Variants in ZRANB3 observed in about 807,000 individuals in gnomAD.
The protein encoded by ZRANB3 is DNA annealing helicase and endonuclease ZRANB3.
Under a neutral mutation model 133.8 loss-of-function variants are expected in ZRANB3, and 125 were observed. The ratio of observed to expected loss-of-function variants is 0.93; its 90% CI spans 0.81 to 1.08. The LOEUF (loss-of-function observed/expected upper bound fraction) is 1.08. Among genes scored for constraint, ZRANB3 ranks in the 50% least tolerant of loss-of-function variants. The pLI is 0.00. For missense variants in ZRANB3, 1,229 were observed against 1,275.5 expected, an observed-to-expected ratio of 0.96 and a Z score of 0.56; for synonymous variants, 387 against 432.7, an observed-to-expected ratio of 0.89 and a Z score of 1.31.
intron 3 of ZRANB3, among the ~76,000 whole-genome samples, chr2:135,382,392 G>GA (rs1325401745): frequency 6.6e-6 from 1 of 152,136 alleles, no homozygotes; most frequent in Non-Finnish European, 1.5e-5. Context: ...GTGACGGGGC[G>GA]AATGGAACCA....
intron 6 of ZRANB3, among the ~76,000 whole-genome samples, chr2:135,318,056 A>G (rs1332427782): frequency 6.6e-6 from 1 of 152,090 alleles, no homozygotes; most frequent in Admixed American, 6.6e-5. Context: ...AATTTGCCCA[A>G]CATCTCATGG....
intron 18 of ZRANB3, 58 bp from the exon 19 acceptor site, chr2:135,207,894 T>C: frequency 1.3e-5 from 19 of 1,484,784 alleles, no homozygotes; most frequent in Non-Finnish European, 1.6e-5. Flanking sequence ...TAAATAGTAA[T>C]TGCTTCATAT....
At chr2:135,413,048 A>G (rs965831249) in intron 2 of ZRANB3, among the ~76,000 whole-genome samples, 2 of 152,198 alleles carry the variant, frequency 1.3e-5, no homozygotes, top group Non-Finnish European at 2.9e-5. Context: ...ACAAAACAAA[A>G]CACTGAATGT....
intron 2 of ZRANB3, among the ~76,000 whole-genome samples, chr2:135,483,087 C>T (rs530468303): frequency 7.2e-4 from 110 of 152,048 alleles, no homozygotes; most frequent in African/African-American, 2.3e-3. Context: ...TCTTTTTTGG[C>T]TGTGTCTCTG....
chr2:135,224,314 GA>G, intron 15 of ZRANB3, 111 bp downstream of exon 15: 1 of 827,972 alleles, frequency 1.2e-6, no homozygotes, highest in Non-Finnish European at 1.8e-6. Flanking sequence ...TAGCTTTGAG[GA>G]AAATAACTAG....
At chr2:135,483,998 C>G (rs1691972311) in intron 2 of ZRANB3, among the ~76,000 whole-genome samples, 1 of 152,070 alleles carries the variant, frequency 6.6e-6, no homozygotes, top group Non-Finnish European at 1.5e-5. Context: ...AATTTCTGTT[C>G]TTTTACATTT....
chr2:135,367,487 A>C (rs1440440087), intron 3 of ZRANB3, among the ~76,000 whole-genome samples: 1 of 152,164 alleles, frequency 6.6e-6, no homozygotes, highest in Non-Finnish European at 1.5e-5. Context: ...CTTTATAAAC[A>C]ATCACTGTGT....
At position 135,324,292 on chromosome 2, in the gene ZRANB3, T is replaced by A. The variant is rs550380833; in HGVS notation, c.678-8762A>T. Among the ~76,000 whole-genome samples the A allele has an allele frequency of 2.2e-4, 32 of 148,318 alleles. No individual in the cohort carries two copies. The South Asian group carries it at 5.9e-3, about 27-fold the overall frequency. On this transcript the variant is annotated intron_variant, in intron 6 of 20. Transcript: ENST00000264159. ...TCCCCTTTCCTGTGTCCAAGTGTTC[T>A]CACTGTTCAATTCCCACCTATGAGT...
intron 15 of ZRANB3, among the ~76,000 whole-genome samples, chr2:135,223,113 A>G (rs1199134419): frequency 2.0e-5 from 3 of 151,510 alleles, no homozygotes; most frequent in Admixed American, 6.6e-5. Context: ...TTAGCCAGGC[A>G]TGGTGGTGGG....
rs544009024 is a variant in ZRANB3, at chr2:135,336,453, T to C, written c.677+9097A>G. Among the ~76,000 whole-genome samples the C allele has an allele frequency of 3.9e-5, 6 of 152,176 alleles. No homozygotes were observed. The South Asian group carries it at 8.3e-4, about 21-fold the overall frequency. On this transcript the variant is annotated intron_variant, in intron 6 of 20. Coordinates refer to ENST00000264159, the MANE Select transcript of ZRANB3 (RefSeq NM_032143.4). ...ACAGAATCAAAACATTATGGAAAAA[T>C]ATATAGCACTCCACAGACTAACTTA...
intron 3 of ZRANB3, among the ~76,000 whole-genome samples, chr2:135,356,784 T>C (rs1442285709): frequency 6.6e-6 from 1 of 152,160 alleles, no homozygotes; most frequent in Admixed American, 6.5e-5. Context: ...CGTGGCTCAC[T>C]GCAGCCTCGA....
chr2:135,329,727 T>C (rs886541112), intron 6 of ZRANB3, among the ~76,000 whole-genome samples: 2 of 152,218 alleles, frequency 1.3e-5, no homozygotes, highest in African/African-American at 2.4e-5. Flanking sequence ...TGTCCTCTTT[T>C]ATTTCACTGA....
chr2:135,354,088 GTAAAATT>G (rs1685327915), intron 3 of ZRANB3, among the ~76,000 whole-genome samples: 1 of 152,090 alleles, frequency 6.6e-6, no homozygotes, highest in Admixed American at 6.6e-5. Context: ...ATAAGGACCT[GTAAAATT>G]CATTAAGCAA....
intron 3 of ZRANB3, among the ~76,000 whole-genome samples, chr2:135,362,683 C>A (rs1191160004): frequency 6.6e-6 from 1 of 152,042 alleles, no homozygotes; most frequent in Non-Finnish European, 1.5e-5. Flanking sequence ...AGACATGGGT[C>A]TCTCTATGTT....
Position 135,353,445 on chromosome 2 carries a change from C to A in ZRANB3, c.359+5G>T. On this transcript the variant is annotated splice_donor_5th_base_variant and intron_variant, in intron 4 of 20. Transcript: ENST00000264159. ...TCTCCTTAAATATTAAACAGTTGTTCTTACCTAACATCAGTTTTATTCTGA... is the reference window on the plus strand; with the variant it reads ...TCTCCTTAAATATTAAACAGTTGTTATTACCTAACATCAGTTTTATTCTGA... 6.4e-7 allele frequency: 1 copy of A among 1,564,644 alleles called. No homozygotes were observed.
chr2:135,488,020 G>C (rs1692198541), intron 2 of ZRANB3, among the ~76,000 whole-genome samples: 1 of 152,172 alleles, frequency 6.6e-6, no homozygotes, highest in South Asian at 2.1e-4. Flanking sequence ...TTTAAAGTGA[G>C]AGATGTATGA....
chr2:135,213,763 T>C (rs1470221516), intron 17 of ZRANB3, among the ~76,000 whole-genome samples: 1 of 152,188 alleles, frequency 6.6e-6, no homozygotes, highest in Non-Finnish European at 1.5e-5. Context: ...CGTTATTTAA[T>C]CAATCACTAA....
chr2:135,456,152 T>C (rs1373388329), intron 2 of ZRANB3, among the ~76,000 whole-genome samples: 1 of 152,186 alleles, frequency 6.6e-6, no homozygotes, highest in Non-Finnish European at 1.5e-5. Flanking sequence ...ATATAGCAAA[T>C]AGACTCCAAA....
At chr2:135,231,020 T>C (rs1323464237) in intron 12 of ZRANB3, 93 bp from the exon 13 acceptor site, 2 of 1,217,872 alleles carry the variant, frequency 1.6e-6, no homozygotes, top group Admixed American at 3.4e-5. Flanking sequence ...TAATTAACCA[T>C]ATTGCCTTAT....
Sources: gnomAD v4.1 joint callset for allele counts (sites outside exome capture counted in the v4.1 genomes callset) on GRCh38, gnomAD v4.1.1 for gene constraint, MANE v1.5 for transcripts, NCBI Gene and HGNC (gene_info 2026-07-23, HGNC 2026-07-21) for gene names.